Variants in TENM4 observed in about 807,000 individuals in gnomAD.
The protein encoded by TENM4 is teneurin transmembrane protein 4.
In TENM4, 82 loss-of-function variants were observed where a neutral mutation model predicts 243.3. The ratio of observed to expected loss-of-function variants is 0.34; its 90% CI spans 0.28 to 0.40. The LOEUF (loss-of-function observed/expected upper bound fraction) is 0.40, where lower values mean the gene tolerates loss of function less well. TENM4 is among the 10% of genes least tolerant of loss of function. The pLI is 1.00. For missense variants in TENM4, 3,138 were observed against 3,673.3 expected (o/e 0.85, Z 3.77); for synonymous variants, 1,412 against 1,456.3 (o/e 0.97, Z 0.69).
intron 6 of TENM4, among the ~76,000 whole-genome samples, chr11:78,935,953 G>A (rs963421615): frequency 6.6e-6 from 1 of 152,208 alleles, no homozygotes; most frequent in African/African-American, 2.4e-5. Context: ...GGGTTGTACA[G>A]TGAGATCTGT....
At chr11:79,213,282 G>T (rs1863986465) in intron 3 of TENM4, among the ~76,000 whole-genome samples, 1 of 152,132 alleles carries the variant, frequency 6.6e-6, no homozygotes, top group African/African-American at 2.4e-5. Flanking sequence ...CTCCCATTTT[G>T]AATCTTTACA....
chr11:78,970,794 G>A (rs1203102154), intron 6 of TENM4, among the ~76,000 whole-genome samples: 3 of 152,128 alleles, frequency 2.0e-5, no homozygotes, highest in African/African-American at 4.8e-5. Context: ...AATTTACAAT[G>A]GAGAGTCAGA....
chr11:79,049,932 C>T (rs1415870186), intron 6 of TENM4, among the ~76,000 whole-genome samples: 1 of 152,226 alleles, frequency 6.6e-6, no homozygotes, highest in African/African-American at 2.4e-5. Flanking sequence ...TGAACCTTTT[C>T]CCTTTGCTGA....
intron 6 of TENM4, among the ~76,000 whole-genome samples, chr11:78,967,630 T>C (rs904069049): frequency 2.6e-5 from 4 of 152,196 alleles, no homozygotes; most frequent in African/African-American, 9.7e-5. Flanking sequence ...CTCAGATGTA[T>C]GTTCACGTGG....
At chr11:79,401,820 G>A (rs1858468236) in intron 1 of TENM4, among the ~76,000 whole-genome samples, 2 of 152,330 alleles carry the variant, frequency 1.3e-5, no homozygotes, top group South Asian at 4.1e-4. Context: ...TGACAAGCTG[G>A]GTTTTGGTGA....
At chr11:79,024,081 CATAA>C (rs1299333867) in intron 6 of TENM4, among the ~76,000 whole-genome samples, 2 of 151,448 alleles carry the variant, frequency 1.3e-5, no homozygotes, top group Non-Finnish European at 3.0e-5. Flanking sequence ...TTAGAGTTGC[CATAA>C]ATAGAGATAT....
chr11:79,365,908 A>G (rs1857668130), intron 1 of TENM4, among the ~76,000 whole-genome samples: 1 of 152,206 alleles, frequency 6.6e-6, no homozygotes, highest in South Asian at 2.1e-4. Context: ...GCTGGATCAT[A>G]TAAGGTCTGA....
At chr11:79,012,288 C>T (rs1199942192) in intron 6 of TENM4, among the ~76,000 whole-genome samples, 1 of 152,128 alleles carries the variant, frequency 6.6e-6, no homozygotes, top group Non-Finnish European at 1.5e-5. Flanking sequence ...GATTCTTCGC[C>T]TTGTGGTAGG....
chr11:79,199,256 G>C (rs1407658462), intron 3 of TENM4, among the ~76,000 whole-genome samples: 1 of 152,090 alleles, frequency 6.6e-6, no homozygotes, highest in Admixed American at 6.6e-5. Flanking sequence ...TACTTCAAAG[G>C]GTTTTTGTGA....
chr11:79,178,585 T>C (rs1863218098), intron 3 of TENM4, among the ~76,000 whole-genome samples: 1 of 152,096 alleles, frequency 6.6e-6, no homozygotes, highest in African/African-American at 2.4e-5. Flanking sequence ...ACCACGTAAA[T>C]AGTTTGAGTC....
At chr11:79,058,605 C>A (rs1326042985) in intron 6 of TENM4, among the ~76,000 whole-genome samples, 1 of 152,004 alleles carries the variant, frequency 6.6e-6, no homozygotes, top group Admixed American at 6.6e-5. Context: ...TGGATTCACA[C>A]CCTGGCTCTG....
intron 1 of TENM4, among the ~76,000 whole-genome samples, chr11:79,381,332 GA>G (rs113767852): frequency 0.43 from 61,895 of 143,330 alleles, 12,747 homozygotes; most frequent in Non-Finnish European, 0.46. Context: ...AAATGGCCTG[GA>G]AAAAAAAAAA....
rs556824139 is a variant in TENM4 at position 79,204,750 on chromosome 11, G to T, written c.-163+11058C>A. 2.9e-3 allele frequency among the ~76,000 whole-genome samples: 436 copies of T among 152,272 alleles called. 1 individual carries two copies. The highest frequency in any genetic ancestry group is 7.0e-3 in the South Asian group (34 of 4,824). Reference sequence around the variant, plus strand: ...CTATGCGCTCCTAGGGTATAGTGGGGAGAGTCTTACACATGTGCACAAGAG... The same window carrying T: ...CTATGCGCTCCTAGGGTATAGTGGGTAGAGTCTTACACATGTGCACAAGAG... On this transcript the variant is annotated intron_variant, in intron 3 of 33. Transcript: ENST00000278550.
chr11:78,841,658 C>T (rs369542328), intron 12 of TENM4, among the ~76,000 whole-genome samples: 1 of 152,118 alleles, frequency 6.6e-6, no homozygotes, highest in African/African-American at 2.4e-5. Context: ...CTCCAGTCTT[C>T]CCCCCTGGCT....
chr11:79,166,763 T>C (rs557555601), intron 3 of TENM4, among the ~76,000 whole-genome samples: 3 of 152,292 alleles, frequency 2.0e-5, no homozygotes, highest in African/African-American at 4.8e-5. Flanking sequence ...TACAGCTTCA[T>C]AGAGAGGCAG....
chr11:79,272,573 A>G lies in TENM4; in HGVS notation c.-265+24915T>C, dbSNP rs528114515. On this transcript the variant is annotated intron_variant, in intron 2 of 33. Transcript: ENST00000278550. ...AGACTAGCCACATTCCAAGTCCTCAATAGTCACATGTGGCTGTTGGCTACC... is the reference window on the plus strand; with the variant it reads ...AGACTAGCCACATTCCAAGTCCTCAGTAGTCACATGTGGCTGTTGGCTACC... Among the ~76,000 whole-genome samples, 21 of 152,250 alleles carry G rather than the reference A, an allele frequency of 1.4e-4. No homozygotes were observed. The South Asian group carries it at 3.9e-3, about 29-fold the overall frequency.
At chr11:78,832,270 T>C (rs1310342581) in intron 12 of TENM4, among the ~76,000 whole-genome samples, 1 of 152,252 alleles carries the variant, frequency 6.6e-6, no homozygotes, top group African/African-American at 2.4e-5. Context: ...GTTGGCTTTC[T>C]CAAAATTCCC....
intron 18 of TENM4, among the ~76,000 whole-genome samples, chr11:78,766,658 A>G (rs1446599491): frequency 6.6e-6 from 1 of 152,014 alleles, no homozygotes; most frequent in Non-Finnish European, 1.5e-5. Context: ...AATAAAAACA[A>G]ACTAATAAAG....
At chr11:79,277,482 C>T (rs553886086) in intron 2 of TENM4, among the ~76,000 whole-genome samples, 134 of 152,278 alleles carry the variant, frequency 8.8e-4, no homozygotes, top group African/African-American at 1.8e-3. Context: ...GTCTAATCAA[C>T]GCAAAGATGG....
Sources: gnomAD v4.1 joint callset for allele counts (sites outside exome capture counted in the v4.1 genomes callset) on GRCh38, gnomAD v4.1.1 for gene constraint, MANE v1.5 for transcripts, NCBI Gene and HGNC (gene_info 2026-07-23, HGNC 2026-07-21) for gene names.